The following MRPS21 variants were observed in gnomAD, a reference collection of about 807,000 sequenced individuals.
MRPS21 encodes the protein small ribosomal subunit protein bS21m.
MRPS21 carries 8 observed loss-of-function variants against 9.9 expected under a neutral mutation model. The observed-to-expected ratio is 0.81, with a 90% CI of 0.47 to 1.45. MRPS21 has a LOEUF of 1.45. Ranked by LOEUF, MRPS21 falls within the 40% of genes most tolerant of loss-of-function variation. MRPS21 has a pLI of 0.00. For synonymous variants in MRPS21, 40 were observed against 40.3 expected, an observed-to-expected ratio of 0.99 and a Z score of 0.03; for missense variants, 101 against 118.9, an observed-to-expected ratio of 0.85 and a Z score of 0.70.
intron 2 of MRPS21, 135 bp from the exon 3 acceptor site, chr1:150,307,913 A>T: frequency 1.2e-6 from 1 of 833,872 alleles, no homozygotes. Context: ...GTAGGCAGTT[A>T]ATGCTCTATT....
At chr1:150,303,799 T>C (rs1654226585) in intron 2 of MRPS21, 1 of 426,530 alleles carries the variant, frequency 2.3e-6, no homozygotes, top group Non-Finnish European at 4.8e-6. Context: ...CTTTCTGAGC[T>C]ATATCCCCAA....
rs781801410 is a variant in MRPS21 at position 150,308,036 on chromosome 1, G to T, written c.84-12G>T. The T allele has an allele frequency of 5.8e-6, 9 of 1,554,148 alleles. No homozygotes were observed. Among genetic ancestry groups the T allele is most frequent in the African/African-American group, 2.7e-5 (2 of 73,842 alleles). ...TCCCAAATGTCTAACCTCATTGCTT[G>T]CCTTTATACAGAATCCTCACTATGG... On this transcript the variant is annotated splice_polypyrimidine_tract_variant and intron_variant, in intron 2 of 2. Coordinates refer to ENST00000614145, the MANE Select transcript of MRPS21 (RefSeq NM_031901.6).
chr1:150,300,212 G>A (rs6693937), intron 2 of MRPS21, among the ~76,000 whole-genome samples: 2,250 of 152,098 alleles, frequency 0.015, 50 homozygotes, highest in African/African-American at 0.052. Context: ...GTATGATGGT[G>A]CATACCTGTA....
At chr1:150,295,651 A>G (rs1408501059) in intron 2 of MRPS21, among the ~76,000 whole-genome samples, 1 of 152,148 alleles carries the variant, frequency 6.6e-6, no homozygotes, top group Admixed American at 6.6e-5. Flanking sequence ...AAGATGGGAA[A>G]GCTCACTGGG....
chr1:150,305,697 C>T lies in MRPS21; in HGVS notation c.84-2351C>T, dbSNP rs372635020. Among the ~76,000 whole-genome samples the T allele has an allele frequency of 9.2e-5, 14 of 152,144 alleles. No homozygotes were observed. In the East Asian group the frequency reaches 2.3e-3, roughly 25 times the overall value. On this transcript the variant is annotated intron_variant, in intron 2 of 2. Coordinates refer to ENST00000614145, the MANE Select transcript of MRPS21 (RefSeq NM_031901.6). Reference sequence around the variant, plus strand: ...GCAACCTCCACCTCCCAGGTTCAAGCTATTCTCCTGCCTCCGCTTCCCGAG... The same window carrying T: ...GCAACCTCCACCTCCCAGGTTCAAGTTATTCTCCTGCCTCCGCTTCCCGAG...
intron 2 of MRPS21, among the ~76,000 whole-genome samples, chr1:150,306,317 GC>G (rs1654328597): frequency 6.8e-6 from 1 of 147,734 alleles, no homozygotes; most frequent in Non-Finnish European, 1.5e-5. Context: ...AGAGTCTGTT[GC>G]CCAGGCTGGA....
At chr1:150,298,388 A>C (rs1421146284) in intron 2 of MRPS21, among the ~76,000 whole-genome samples, 2 of 152,154 alleles carry the variant, frequency 1.3e-5, no homozygotes, top group Non-Finnish European at 2.9e-5. Flanking sequence ...TTATTTTGGT[A>C]GATTTAGATA....
intron 1 of MRPS21, 91 bp downstream of exon 1, chr1:150,293,989 A>T: frequency 4.2e-6 from 1 of 239,678 alleles, no homozygotes; most frequent in South Asian, 5.1e-5. Context: ...AAAGACCAAC[A>T]AAGAGTCCTT....
At chr1:150,308,008 T>G (rs781959320) in intron 2 of MRPS21, 40 bp from the exon 3 acceptor site, 1 of 1,472,986 alleles carries the variant, frequency 6.8e-7, no homozygotes, top group South Asian at 1.4e-5. Flanking sequence ...AGAATAATGA[T>G]GATCCCAAAT....
intron 2 of MRPS21, among the ~76,000 whole-genome samples, chr1:150,299,611 C>T (rs1397107606): frequency 6.6e-6 from 1 of 152,066 alleles, no homozygotes; most frequent in Non-Finnish European, 1.5e-5. Flanking sequence ...CTTGCCACCA[C>T]GCCTGGCTAG....
At chr1:150,302,546 C>T (rs1654182017) in intron 2 of MRPS21, among the ~76,000 whole-genome samples, 1 of 151,996 alleles carries the variant, frequency 6.6e-6, no homozygotes. Flanking sequence ...ACCCGCACCT[C>T]CCCCCGCTCC....
chr1:150,307,930 AT>A, intron 2 of MRPS21, 117 bp from the exon 3 acceptor site: 1 of 1,029,710 alleles, frequency 9.7e-7, no homozygotes, highest in Non-Finnish European at 1.4e-6. Flanking sequence ...TATTGCCACC[AT>A]TTCCCACTGT....
intron 2 of MRPS21, among the ~76,000 whole-genome samples, chr1:150,300,619 A>G (rs1312519124): frequency 2.6e-5 from 4 of 152,314 alleles, no homozygotes; most frequent in African/African-American, 7.2e-5. Flanking sequence ...CTAAATTAAA[A>G]TGTAAGGTGA....
At position 150,308,862 on chromosome 1, in the gene MRPS21, G is replaced by C. The variant is rs1281526535; in HGVS notation, c.*634G>C. 2 of 154,548 alleles carry C rather than the reference G, an allele frequency of 1.3e-5. No homozygotes were observed. The highest frequency in any genetic ancestry group is 4.8e-5 in the African/African-American group (2 of 41,488). The allele number at this position is 154,548 out of a possible 1,614,324, so 9.6% of individuals were successfully genotyped here. A position where few individuals can be genotyped will look rare whatever the true frequency, so the allele number is the denominator to read the frequency against. On this transcript the variant is annotated 3_prime_UTR_variant, in exon 3 of 3. Coordinates refer to ENST00000614145, the MANE Select transcript of MRPS21 (RefSeq NM_031901.6). ...AAACAAAAAAACGGAGATGGATGAT[G>C]AATGGTGATGGCGGTTGCTCAAAAA...
chr1:150,302,633 TG>T (rs782691124), intron 2 of MRPS21, among the ~76,000 whole-genome samples: 1 of 152,216 alleles, frequency 6.6e-6, no homozygotes, highest in Non-Finnish European at 1.5e-5. Context: ...AGTATTAGGT[TG>T]CCAGGCGCCC....
At chr1:150,306,757 A>G (rs1560067330) in intron 2 of MRPS21, among the ~76,000 whole-genome samples, 1 of 152,092 alleles carries the variant, frequency 6.6e-6, no homozygotes, top group Non-Finnish European at 1.5e-5. Flanking sequence ...GGCCTCCCAC[A>G]GTGCTGGAAT....
At position 150,308,930 on chromosome 1, in the gene MRPS21, C is replaced by CA. The variant is rs1654456181; in HGVS notation, c.*703dup. On this transcript the variant is annotated 3_prime_UTR_variant, in exon 3 of 3. Transcript: ENST00000614145. ...CCACTGAACTATACCCTTAAATGGT[C>CA]ACGATGGTAAATTTTGTGTTTTACT... 6.5e-6 allele frequency: 1 copy of CA among 154,686 alleles called. No individual in the cohort carries two copies. Among genetic ancestry groups the CA allele is most frequent in the African/African-American group, 2.4e-5 (1 of 41,506 alleles). The allele number at this position is 154,686 out of a possible 1,614,324, so 9.6% of individuals were successfully genotyped here.
intron 2 of MRPS21, among the ~76,000 whole-genome samples, chr1:150,302,639 G>T (rs903785600): frequency 2.0e-5 from 3 of 152,134 alleles, no homozygotes; most frequent in African/African-American, 7.2e-5. Flanking sequence ...AGGTTGCCAG[G>T]CGCCCGAACT....
intron 2 of MRPS21, among the ~76,000 whole-genome samples, chr1:150,303,084 C>G (rs1440028330): frequency 6.6e-6 from 1 of 152,134 alleles, no homozygotes; most frequent in Non-Finnish European, 1.5e-5. Flanking sequence ...AAGATGATCA[C>G]CTTTGTTTTA....
Sources: allele counts gnomAD v4.1 joint callset (sites outside exome capture counted in the v4.1 genomes callset), GRCh38; gene constraint gnomAD v4.1.1; transcripts MANE v1.5; gene names NCBI Gene and HGNC (gene_info 2026-07-23, HGNC 2026-07-21).